PNPLA4: variants seen among roughly 807,000 people sequenced by gnomAD.
PNPLA4 encodes patatin-like phospholipase domain-containing protein 4.
Under a neutral mutation model 18.3 loss-of-function variants are expected in PNPLA4, and 15 were observed. The ratio of observed to expected loss-of-function variants is 0.82; its 90% CI spans 0.55 to 1.26. The LOEUF is 1.26. Ranked by LOEUF, PNPLA4 falls within the 50% of genes most tolerant of loss-of-function variation. PNPLA4 has a pLI of 0.00. For missense variants in PNPLA4, 229 were observed against 196.8 expected (o/e 1.16, Z -0.98); for synonymous variants, 88 against 85.6 (o/e 1.03, Z -0.16).
chrX:7,925,956 GC>G lies in PNPLA4; in HGVS notation c.163del (p.Ala55HisfsTer5). On this transcript the variant is annotated frameshift_variant, in exon 2 of 7. Coordinates refer to ENST00000381042, the MANE Select transcript of PNPLA4 (RefSeq NM_004650.3). The part of the protein sequence containing the change: ...GSLVASVLLT[A>X]PEKIEECNQF... ...CTTAATTACCTCTATTTTTTCTGGTGCTGTTAGCAGAACAGAAGCAACCAAC... is the reference window on the plus strand; with the variant it reads ...CTTAATTACCTCTATTTTTTCTGGTGTGTTAGCAGAACAGAAGCAACCAAC... 1 of 1,208,197 alleles carries G rather than the reference GC, an allele frequency of 8.3e-7. No homozygotes were observed. Among genetic ancestry groups the G allele is most frequent in the Non-Finnish European group, 1.1e-6 (1 of 893,698 alleles).
At chrX:7,905,766 T>C (rs897908126) in intron 5 of PNPLA4, among the ~76,000 whole-genome samples, 2 of 112,035 alleles carry the variant, frequency 1.8e-5, no homozygotes. Context: ...GTTTCCTTGC[T>C]ATAGTTCACG....
chrX:7,921,697 A>G lies in PNPLA4; in HGVS notation c.411+16T>C. On this transcript the variant is annotated intron_variant, in intron 4 of 6. Coordinates refer to ENST00000381042, the MANE Select transcript of PNPLA4 (RefSeq NM_004650.3). Reference sequence around the variant, plus strand: ...CACTTGCTGATTTCTTCAAATAGGAAACATGGCTTTGTTACCTTAATGAGG... The same window carrying G: ...CACTTGCTGATTTCTTCAAATAGGAGACATGGCTTTGTTACCTTAATGAGG... 2.5e-6 allele frequency: 3 copies of G among 1,198,579 alleles called. No homozygotes were observed. Among genetic ancestry groups the G allele is most frequent in the East Asian group, 3.0e-5 (1 of 33,763 alleles).
intron 1 of PNPLA4, among the ~76,000 whole-genome samples, chrX:7,926,476 A>G (rs1400733588): frequency 8.9e-6 from 1 of 112,130 alleles, no homozygotes; most frequent in Non-Finnish European, 1.9e-5. Flanking sequence ...TGACCCTTTG[A>G]AACGTTTTGC....
intron 2 of PNPLA4, 70 bp downstream of exon 2, chrX:7,925,870 C>A: frequency 1.1e-6 from 1 of 906,633 alleles, no homozygotes; most frequent in South Asian, 2.3e-5. Flanking sequence ...TTAGTAGAGT[C>A]AATGCTGGTG....
At chrX:7,913,377 G>T (rs1328262903) in intron 4 of PNPLA4, among the ~76,000 whole-genome samples, 2 of 111,978 alleles carry the variant, frequency 1.8e-5, no homozygotes, top group African/African-American at 6.5e-5. Flanking sequence ...CCTCAATAGT[G>T]GCACTAAAGA....
chrX:7,926,108 G>A lies in PNPLA4; in HGVS notation c.12C>T (p.Ile4=), dbSNP rs770247545. The A allele has an allele frequency of 2.5e-6, 3 of 1,207,383 alleles. No homozygotes were observed. The highest frequency in any genetic ancestry group is 4.4e-5 in the Admixed American group (2 of 45,674). The change falls in exon 2 of 7, where the codon ATC becomes ATT. Residue 4 remains isoleucine (I), a synonymous_variant. Transcript: ENST00000381042. MKH[I]NLSFAACGFL... ...ATCCACACGCTGCAAATGATAGGTTGATGTGCTTCATTCTAGCTGTAGCAC... is the reference window on the plus strand; with the variant it reads ...ATCCACACGCTGCAAATGATAGGTTAATGTGCTTCATTCTAGCTGTAGCAC...
intron 4 of PNPLA4, among the ~76,000 whole-genome samples, chrX:7,917,532 GGTTATTAT>G (rs1407509615): frequency 1.6e-4 from 18 of 111,691 alleles, no homozygotes; most frequent in Non-Finnish European, 2.4e-4. Flanking sequence ...GGTGTGTGTG[GGTTATTAT>G]GTTATTCGTT....
Position 7,900,618 on chromosome X carries a change from GGATTT to G in PNPLA4, c.*63_*67del. 8 of 737,311 alleles carry G rather than the reference GGATTT, an allele frequency of 1.1e-5. No homozygotes were observed. The highest frequency in any genetic ancestry group is 1.6e-5 in the Non-Finnish European group (8 of 515,765). The allele number at this position is 737,311 out of a possible 1,213,427, so 60.8% of individuals were successfully genotyped here. A position where few individuals can be genotyped will look rare whatever the true frequency, so the allele number is the denominator to read the frequency against. ...TGAGTCATGATAGATTTTCTAAAAA[GGATTT>G]GATTAGAAACTTCCATCAAAAACTA... On this transcript the variant is annotated 3_prime_UTR_variant, in exon 7 of 7. Coordinates refer to ENST00000381042, the MANE Select transcript of PNPLA4 (RefSeq NM_004650.3).
chrX:7,922,413 C>A (rs768146388), intron 2 of PNPLA4, among the ~76,000 whole-genome samples: 1 of 112,497 alleles, frequency 8.9e-6, no homozygotes, highest in Admixed American at 9.4e-5. Flanking sequence ...GTTTCCTCAG[C>A]GCAATTAACC....
chrX:7,914,744 T>C (rs1923985194), intron 4 of PNPLA4, among the ~76,000 whole-genome samples: 1 of 111,808 alleles, frequency 8.9e-6, no homozygotes. Flanking sequence ...ATTATGTTTT[T>C]TTTTTCTTTT....
In PNPLA4 at chrX:7,900,503, A is replaced by C. The variant is rs1162161691; in HGVS notation, c.*183T>G. 8 of 317,050 alleles carry C rather than the reference A, an allele frequency of 2.5e-5. No individual in the cohort carries two copies. Among genetic ancestry groups the C allele is most frequent in the Non-Finnish European group, 4.4e-5 (8 of 180,706 alleles). The allele number at this position is 317,050 out of a possible 1,213,427, so 26.1% of individuals were successfully genotyped here. On this transcript the variant is annotated 3_prime_UTR_variant, in exon 7 of 7. Transcript: ENST00000381042. ...GTGTATCCTTCTTAATGACGTTGTC[A>C]AATTCTAATAAAGTGCCTCTTATAT... is the stretch of plus-strand genomic sequence containing the variant.
intron 5 of PNPLA4, among the ~76,000 whole-genome samples, chrX:7,907,294 C>T (rs1923736161): frequency 8.9e-6 from 1 of 112,368 alleles, no homozygotes; most frequent in Admixed American, 9.4e-5. Flanking sequence ...GCTAGAATTA[C>T]AGGCGTGAGC....
At chrX:7,910,708 G>A (rs1288300529) in intron 5 of PNPLA4, among the ~76,000 whole-genome samples, 1 of 109,547 alleles carries the variant, frequency 9.1e-6, no homozygotes, top group African/African-American at 3.3e-5. Flanking sequence ...TCTCTGGTAC[G>A]TGTTAAGCAG....
chrX:7,899,469 G>A lies in PNPLA4; in HGVS notation c.*1217C>T, dbSNP rs771720410. Reference sequence around the variant, plus strand: ...GTAAAAAACCTGGGATCAGTACAACGTGATTTAAAAATGAGAAGTGAATGA... The same window carrying A: ...GTAAAAAACCTGGGATCAGTACAACATGATTTAAAAATGAGAAGTGAATGA... On this transcript the variant is annotated 3_prime_UTR_variant, in exon 7 of 7. Transcript: ENST00000381042. 1.8e-5 allele frequency: 2 copies of A among 110,474 alleles called. No individual in the cohort carries two copies. The highest frequency in any genetic ancestry group is 9.7e-5 in the Admixed American group (1 of 10,303). The allele number at this position is 110,474 out of a possible 1,213,427, so 9.1% of individuals were successfully genotyped here.
intron 5 of PNPLA4, among the ~76,000 whole-genome samples, chrX:7,905,374 C>T (rs1351398979): frequency 1.8e-5 from 2 of 111,736 alleles, no homozygotes; most frequent in Admixed American, 9.5e-5. Flanking sequence ...TATTACATAA[C>T]GCAAGTGGAA....
At chrX:7,922,236 G>A in intron 2 of PNPLA4, 138 bp from the exon 3 acceptor site, 1 of 487,942 alleles carries the variant, frequency 2.0e-6, no homozygotes, top group Non-Finnish European at 3.6e-6. Context: ...TCCCCACCTG[G>A]CCGGGGCCTC....
At chrX:7,909,297 C>T (rs1410690312) in intron 5 of PNPLA4, among the ~76,000 whole-genome samples, 6 of 111,899 alleles carry the variant, frequency 5.4e-5, no homozygotes, top group Admixed American at 1.9e-4. Flanking sequence ...CGGTGGCTCA[C>T]GCCTGTAATC....
chrX:7,912,031 C>T lies in PNPLA4; in HGVS notation c.474G>A (p.Gly158=), dbSNP rs768058618. 1 of 1,193,969 alleles carries T rather than the reference C, an allele frequency of 8.4e-7. No homozygotes were observed. Among genetic ancestry groups the T allele is most frequent in the Admixed American group, 2.2e-5 (1 of 45,941 alleles). ...YAGLKLVEYK[G]QKWVDGGLTN... is the part of the protein sequence containing the mutation. The stretch of plus-strand genomic sequence containing the variant: ...TCCTCAGTTATAACAAGCTTACCTG[C>T]CCTTTGTATTCCACTAGCTTCAGTC... Residue 158 remains glycine, a synonymous_variant, in exon 5 of 7, where the codon GGG becomes GGA. Transcript: ENST00000381042.
chrX:7,917,766 G>A (rs981719296), intron 4 of PNPLA4, among the ~76,000 whole-genome samples: 1 of 111,008 alleles, frequency 9.0e-6, no homozygotes, highest in Non-Finnish European at 1.9e-5. Flanking sequence ...CATGATCACC[G>A]GGACACTCAT....
Sources: gnomAD v4.1 joint callset for allele counts (sites outside exome capture counted in the v4.1 genomes callset) on GRCh38, gnomAD v4.1.1 for gene constraint, MANE v1.5 for transcripts, NCBI Gene and HGNC (gene_info 2026-07-23, HGNC 2026-07-21) for gene names.